Variants in KCNQ3 observed in about 807,000 individuals in gnomAD.
KCNQ3 encodes potassium voltage-gated channel subfamily Q member 3, also known as potassium voltage-gated channel subfamily KQT member 3.
A neutral mutation model predicts 92.5 loss-of-function variants in KCNQ3; 30 were observed. The observed-to-expected ratio is 0.32, with a 90% CI of 0.24 to 0.44. The LOEUF is 0.44. KCNQ3 is among the 20% of genes least tolerant of loss of function. The probability of loss-of-function intolerance (pLI) is 1.00; values close to 1 mark genes in which losing one functional copy is unlikely to be tolerated. For synonymous variants in KCNQ3, 450 were observed against 468.8 expected (o/e 0.96, Z 0.52); for missense variants, 913 against 1,140.3 (o/e 0.80, Z 2.87).
intron 1 of KCNQ3, among the ~76,000 whole-genome samples, chr8:132,203,007 G>T (rs1827508797): frequency 6.6e-6 from 1 of 152,156 alleles, no homozygotes; most frequent in Non-Finnish European, 1.5e-5. Flanking sequence ...AGTTCTGGAG[G>T]CTGGGAAGTC....
At chr8:132,235,429 G>T (rs1814782291) in intron 1 of KCNQ3, among the ~76,000 whole-genome samples, 1 of 152,106 alleles carries the variant, frequency 6.6e-6, no homozygotes, top group Non-Finnish European at 1.5e-5. Flanking sequence ...CTTGAACCTG[G>T]GAGGGAGGTT....
In KCNQ3 at chr8:132,212,196, A is replaced by G. The variant is rs181537597; in HGVS notation, c.387-26015T>C. On this transcript the variant is annotated intron_variant, in intron 1 of 14. Transcript: ENST00000388996. ...ATATTTGACTCATCACACACAGAAC[A>G]TAGGCTCACACACTCACTTTTCCAA... 6.1e-4 allele frequency among the ~76,000 whole-genome samples: 93 copies of G among 152,194 alleles called. 2 individuals carry two copies. The East Asian group carries it at 0.018, about 30-fold the overall frequency.
intron 1 of KCNQ3, among the ~76,000 whole-genome samples, chr8:132,216,650 C>T (rs1258549983): frequency 6.6e-6 from 1 of 152,122 alleles, no homozygotes; most frequent in East Asian, 1.9e-4. Flanking sequence ...ATTCTTAACA[C>T]ACATAGGAAA....
chr8:132,161,407 T>A (rs1308840048), intron 9 of KCNQ3, among the ~76,000 whole-genome samples: 2 of 152,140 alleles, frequency 1.3e-5, no homozygotes, highest in Non-Finnish European at 2.9e-5. Context: ...GACGGGCGGA[T>A]CACCTGAGGT....
chr8:132,303,197 C>T lies in KCNQ3; in HGVS notation c.387-117016G>A, dbSNP rs56676774. Among the ~76,000 whole-genome samples, 584 of 152,178 alleles carry T rather than the reference C, an allele frequency of 3.8e-3. 3 individuals carry two copies. Among genetic ancestry groups the T allele is most frequent in the African/African-American group, 0.013 (557 of 41,540 alleles). ...GGAGATTGGCACCAACAGGCCCATG[C>T]TACAGCATTACTATTTAGGTGCTTA... On this transcript the variant is annotated intron_variant, in intron 1 of 14. Coordinates refer to ENST00000388996, the MANE Select transcript of KCNQ3 (RefSeq NM_004519.4).
chr8:132,149,840 G>T (rs1825580484), intron 9 of KCNQ3, among the ~76,000 whole-genome samples: 1 of 152,156 alleles, frequency 6.6e-6, no homozygotes, highest in South Asian at 2.1e-4. Context: ...CCAAGCAACT[G>T]GCTGGCATTC....
intron 1 of KCNQ3, among the ~76,000 whole-genome samples, chr8:132,335,737 G>C (rs1213835994): frequency 1.1e-4 from 17 of 152,340 alleles, no homozygotes. Flanking sequence ...TTTCAGAAAA[G>C]CCTGTATCAG....
intron 1 of KCNQ3, among the ~76,000 whole-genome samples, chr8:132,360,094 G>A (rs1311569964): frequency 6.6e-6 from 1 of 152,138 alleles, no homozygotes; most frequent in African/African-American, 2.4e-5. Flanking sequence ...CTACAGCACA[G>A]CTAGGTCAAT....
At chr8:132,342,935 C>G (rs767439377) in intron 1 of KCNQ3, among the ~76,000 whole-genome samples, 1 of 152,122 alleles carries the variant, frequency 6.6e-6, no homozygotes, top group African/African-American at 2.4e-5. Context: ...TTTTCTTACA[C>G]ATGTGGTTTT....
rs750676215 is a variant in KCNQ3 at position 132,129,695 on chromosome 8, T to C, written c.2186A>G (p.Lys729Arg). 3.7e-6 allele frequency: 6 copies of C among 1,614,096 alleles called. No individual in the cohort carries two copies. The South Asian group carries it at 6.6e-5, about 18-fold the overall frequency. The change falls in exon 15 of 15, where the codon AAG (lysine) becomes AGG (arginine). Residue 729 changes from lysine (K) to arginine (R), a missense_variant. Physicochemically the swap from Lys to Arg is conservative, Grantham distance 26 (BLOSUM62 2). Around this residue, in one of 6 missense-constraint regions of KCNQ3, gnomAD observed 375 missense variants for 376.4 expected, o/e 1.00. Transcript: ENST00000388996. This position sits in a 1 kb window ranked among gnomAD's most constrained non-coding sequence, Gnocchi z 5.9. Reference sequence around the variant, plus strand: ...TGAGGAAGGAGGAGTTGCCTGAACCTTTCCAGAACTGGGTCCCCCTCGGGG... The same window carrying C: ...TGAGGAAGGAGGAGTTGCCTGAACCCTTCCAGAACTGGGTCCCCCTCGGGG... ...NLPRGGPSSG[K>R]VQATPPSSAT...
intron 1 of KCNQ3, among the ~76,000 whole-genome samples, chr8:132,248,959 C>G (rs1815289743): frequency 6.6e-6 from 1 of 152,124 alleles, no homozygotes; most frequent in Non-Finnish European, 1.5e-5. Flanking sequence ...AGCCGCAGAC[C>G]CTCGCGGTGA....
At chr8:132,204,860 T>C (rs946082573) in intron 1 of KCNQ3, among the ~76,000 whole-genome samples, 6 of 152,170 alleles carry the variant, frequency 3.9e-5, no homozygotes, top group African/African-American at 9.7e-5. Flanking sequence ...AGTTGGTAAA[T>C]TCAGACCCTT....
At chr8:132,157,404 G>A (rs995044621) in intron 9 of KCNQ3, among the ~76,000 whole-genome samples, 1 of 152,208 alleles carries the variant, frequency 6.6e-6, no homozygotes, top group African/African-American at 2.4e-5. Context: ...ATGGAAGGAG[G>A]TGAATTATCC....
intron 2 of KCNQ3, among the ~76,000 whole-genome samples, chr8:132,185,663 G>A (rs141736354): frequency 5.9e-5 from 9 of 152,332 alleles, no homozygotes; most frequent in South Asian, 2.1e-4. Flanking sequence ...TAGAGGTTTC[G>A]TGTATAAATG....
intron 1 of KCNQ3, among the ~76,000 whole-genome samples, chr8:132,265,357 A>C (rs891565847): frequency 6.6e-6 from 1 of 152,238 alleles, no homozygotes; most frequent in Non-Finnish European, 1.5e-5. Flanking sequence ...TCAGGTGGGA[A>C]GTGTTAATGA....
At chr8:132,314,194 A>G (rs910225284) in intron 1 of KCNQ3, among the ~76,000 whole-genome samples, 1 of 152,178 alleles carries the variant, frequency 6.6e-6, no homozygotes, top group East Asian at 1.9e-4. Flanking sequence ...AATGCAAAAC[A>G]TTTCCTAAAT....
rs760896012 is a variant in KCNQ3, at chr8:132,180,151, A to G, written c.777+6T>C. ...TGTGGTCCTGCAGTTTCTCCACCAC[A>G]CTTACTTTGCTGTGGGCACAGATGG... On this transcript the variant is annotated splice_donor_region_variant and intron_variant, in intron 4 of 14. Transcript: ENST00000388996. The G allele has an allele frequency of 2.5e-6, 4 of 1,614,026 alleles. No homozygotes were observed. Among genetic ancestry groups the G allele is most frequent in the Admixed American group, 1.7e-5 (1 of 60,022 alleles).
intron 1 of KCNQ3, among the ~76,000 whole-genome samples, chr8:132,256,119 A>G (rs1274064625): frequency 1.3e-5 from 2 of 152,168 alleles, no homozygotes; most frequent in Non-Finnish European, 2.9e-5. Context: ...CACATACAAG[A>G]ACTAAAGAAA....
At chr8:132,462,427 A>T (rs1456580247) in intron 1 of KCNQ3, among the ~76,000 whole-genome samples, 1 of 152,178 alleles carries the variant, frequency 6.6e-6, no homozygotes, top group East Asian at 1.9e-4. Context: ...ACCTCAAGTG[A>T]TCTACCCACC....
Sources: gnomAD v4.1 joint callset for allele counts (sites outside exome capture counted in the v4.1 genomes callset) on GRCh38, gnomAD v4.1.1 for gene constraint, gnomAD v4.1.1 regional missense constraint, Gnocchi (gnomAD v3.1) non-coding constraint, MANE v1.5 for transcripts, NCBI Gene and HGNC (gene_info 2026-07-23, HGNC 2026-07-21) for gene names.